The following RBFOX1 variants were observed in gnomAD, a reference collection of about 807,000 sequenced individuals.
RBFOX1 encodes the protein RNA binding fox-1 homolog 1.
RBFOX1 carries 8 observed loss-of-function variants against 57.7 expected under a neutral mutation model. The observed-to-expected ratio is 0.14, with a 90% CI of 0.08 to 0.25. The LOEUF is 0.25. Among genes scored for constraint, RBFOX1 ranks in the 10% least tolerant of loss-of-function variants. The pLI is 1.00. For synonymous variants in RBFOX1, 326 were observed against 222.4 expected (o/e 1.47, Z -4.15); for missense variants, 611 against 548.5 (o/e 1.11, Z -1.14).
chr16:7,140,216 G>A (rs537921383), intron 4 of RBFOX1, among the ~76,000 whole-genome samples: 13 of 65,234 alleles, frequency 2.0e-4, no homozygotes, highest in African/African-American at 7.6e-4. Context: ...CTCCCAATTT[G>A]TCCATTTTCT....
intron 12 of RBFOX1, among the ~76,000 whole-genome samples, chr16:7,660,415 T>C (rs1430753856): frequency 6.6e-6 from 1 of 152,178 alleles, no homozygotes; most frequent in Non-Finnish European, 1.5e-5. Flanking sequence ...GTGGTTAATT[T>C]ATCTATAGCT....
intron 2 of RBFOX1, among the ~76,000 whole-genome samples, chr16:6,528,761 C>G (rs1598966005): frequency 6.6e-6 from 1 of 152,112 alleles, no homozygotes; most frequent in Non-Finnish European, 1.5e-5. Context: ...CCTGTACACT[C>G]TACGATGGTT....
chr16:6,136,837 T>C (rs2096670872), intron 1 of RBFOX1, among the ~76,000 whole-genome samples: 1 of 152,216 alleles, frequency 6.6e-6, no homozygotes, highest in African/African-American at 2.4e-5. Context: ...TGTGAAACCC[T>C]TTGTATAATA....
chr16:7,394,870 C>G (rs949707556), intron 4 of RBFOX1, among the ~76,000 whole-genome samples: 2 of 152,216 alleles, frequency 1.3e-5, no homozygotes, highest in Admixed American at 1.3e-4. Context: ...ACGATCCTCT[C>G]TTCCCACCCT....
chr16:5,661,546 A>T (rs1656955921), intron 3 of RBFOX1, among the ~76,000 whole-genome samples: 1 of 152,204 alleles, frequency 6.6e-6, no homozygotes, highest in Non-Finnish European at 1.5e-5. Context: ...TTAAGATTTA[A>T]AAATACTTAA....
intron 4 of RBFOX1, among the ~76,000 whole-genome samples, chr16:7,228,931 G>C (rs1319393030): frequency 2.0e-5 from 3 of 152,182 alleles, no homozygotes; most frequent in Non-Finnish European, 4.4e-5. Context: ...CATTGGGGTA[G>C]AGAGTATAAT....
At chr16:6,996,954 C>G (rs937143872) in intron 3 of RBFOX1, among the ~76,000 whole-genome samples, 8 of 152,006 alleles carry the variant, frequency 5.3e-5, no homozygotes, top group African/African-American at 1.9e-4. Flanking sequence ...AATAAATTAT[C>G]AAGAAAGTTT....
At chr16:5,807,659 C>G (rs547639427) in intron 3 of RBFOX1, among the ~76,000 whole-genome samples, 1 of 152,316 alleles carries the variant, frequency 6.6e-6, no homozygotes, top group South Asian at 2.1e-4. Context: ...ATTCTGGATT[C>G]TGGAAGTCCT....
At chr16:6,299,051 C>T (rs1321209427) in intron 1 of RBFOX1, among the ~76,000 whole-genome samples, 1 of 152,142 alleles carries the variant, frequency 6.6e-6, no homozygotes, top group Non-Finnish European at 1.5e-5. Context: ...TCTCTGTTCC[C>T]AGGTAAAAGG....
At chr16:6,629,958 GGTT>G (rs1368725971) in intron 2 of RBFOX1, among the ~76,000 whole-genome samples, 2 of 69,434 alleles carry the variant, frequency 2.9e-5, no homozygotes, top group African/African-American at 1.0e-4. Context: ...TATTTCGGTA[GGTT>G]TTTTTTTTTT....
chr16:7,186,683 G>C (rs1001253549), intron 4 of RBFOX1, among the ~76,000 whole-genome samples: 55 of 146,958 alleles, frequency 3.7e-4, no homozygotes, highest in African/African-American at 1.4e-3. Flanking sequence ...ACATACTTAC[G>C]TCTTTAAATA....
chr16:5,774,393 C>T (rs1159523916), intron 3 of RBFOX1, among the ~76,000 whole-genome samples: 9 of 152,156 alleles, frequency 5.9e-5, no homozygotes, highest in East Asian at 3.8e-4. Flanking sequence ...TTTAGTTTCA[C>T]GTAGATGATT....
chr16:5,384,371 T>C (rs1050534403), intron 1 of RBFOX1, among the ~76,000 whole-genome samples: 8 of 152,188 alleles, frequency 5.3e-5, no homozygotes, highest in African/African-American at 1.4e-4. Context: ...TGTCAGTCAA[T>C]AGAGGTTCTC....
chr16:5,640,530 AT>A (rs1482141781), intron 3 of RBFOX1, among the ~76,000 whole-genome samples: 6 of 152,036 alleles, frequency 3.9e-5, no homozygotes, highest in Non-Finnish European at 1.5e-5. Flanking sequence ...ACACATGCAC[AT>A]ACACACATGC....
intron 4 of RBFOX1, among the ~76,000 whole-genome samples, chr16:7,367,885 T>TATAC (rs1555789500): frequency 6.7e-6 from 1 of 148,432 alleles, no homozygotes; most frequent in East Asian, 2.0e-4. Context: ...CATGCGTGCA[T>TATAC]ACACACACAC....
At chr16:5,860,355 G>A (rs542334552) in intron 3 of RBFOX1, among the ~76,000 whole-genome samples, 2 of 152,246 alleles carry the variant, frequency 1.3e-5, no homozygotes, top group South Asian at 2.1e-4. Context: ...GATTACAGAC[G>A]TGAGCCACCG....
chr16:5,590,439 GAA>G (rs1301160257), intron 2 of RBFOX1, among the ~76,000 whole-genome samples: 2 of 152,196 alleles, frequency 1.3e-5, no homozygotes, highest in Non-Finnish European at 2.9e-5. Flanking sequence ...GTTCCTTGCT[GAA>G]AGTTAACTGG....
At chr16:7,495,589 C>A (rs8044393) in intron 4 of RBFOX1, among the ~76,000 whole-genome samples, 1 of 152,072 alleles carries the variant, frequency 6.6e-6, no homozygotes, top group Non-Finnish European at 1.5e-5. Context: ...AGCATTTTTT[C>A]GTATGTTTGT....
At chr16:5,891,651 G>C (rs934013590) in intron 4 of RBFOX1, among the ~76,000 whole-genome samples, 33 of 152,234 alleles carry the variant, frequency 2.2e-4, no homozygotes, top group Non-Finnish European at 2.8e-4. Flanking sequence ...GGAATCTCTG[G>C]GTCCTGGCCA....
Sources: gnomAD v4.1 joint callset for allele counts (sites outside exome capture counted in the v4.1 genomes callset) on GRCh38, gnomAD v4.1.1 for gene constraint, MANE v1.5 for transcripts, NCBI Gene and HGNC (gene_info 2026-07-23, HGNC 2026-07-21) for gene names.